The following CCSER1 variants were observed in gnomAD, a reference collection of about 807,000 sequenced individuals.
CCSER1 encodes the protein coiled-coil serine rich protein 1.
CCSER1 carries 41 observed loss-of-function variants against 82.0 expected under a neutral mutation model. The ratio of observed to expected loss-of-function variants is 0.50; its 90% CI spans 0.39 to 0.65. CCSER1 has a LOEUF of 0.65. Among genes scored for constraint, CCSER1 ranks in the 30% least tolerant of loss-of-function variants. The pLI is 0.00. For missense variants in CCSER1, 1,119 were observed against 1,064.2 expected, an observed-to-expected ratio of 1.05 and a Z score of -0.72; for synonymous variants, 414 against 383.9, an observed-to-expected ratio of 1.08 and a Z score of -0.92.
At chr4:91,366,163 C>T (rs960504498) in intron 10 of CCSER1, among the ~76,000 whole-genome samples, 5 of 151,994 alleles carry the variant, frequency 3.3e-5, no homozygotes, top group South Asian at 2.1e-4. Context: ...GGATTACAGG[C>T]GCACCACCTC....
At chr4:91,499,350 A>T (rs1759086740) in intron 10 of CCSER1, among the ~76,000 whole-genome samples, 1 of 151,882 alleles carries the variant, frequency 6.6e-6, no homozygotes, top group African/African-American at 2.4e-5. Context: ...AGTTTACAGC[A>T]AAATTAGGCA....
intron 10 of CCSER1, among the ~76,000 whole-genome samples, chr4:91,245,236 A>C (rs1739675013): frequency 6.6e-6 from 1 of 152,192 alleles, no homozygotes; most frequent in African/African-American, 2.4e-5. Flanking sequence ...GTTCAAAGGG[A>C]TAATAACAGA....
At chr4:91,014,214 A>T (rs987999226) in intron 9 of CCSER1, among the ~76,000 whole-genome samples, 1 of 134,220 alleles carries the variant, frequency 7.5e-6, no homozygotes, top group Admixed American at 7.4e-5. Context: ...TTTAGTATCC[A>T]TGCTCTCTCT....
chr4:91,272,309 T>G (rs1009088111), intron 10 of CCSER1, among the ~76,000 whole-genome samples: 8 of 152,218 alleles, frequency 5.3e-5, no homozygotes, highest in Non-Finnish European at 1.0e-4. Flanking sequence ...CAGGATAAGG[T>G]GGTGTCCCAT....
intron 10 of CCSER1, among the ~76,000 whole-genome samples, chr4:91,177,291 G>C (rs1733493114): frequency 6.6e-6 from 1 of 152,190 alleles, no homozygotes; most frequent in Non-Finnish European, 1.5e-5. Context: ...TTTTTCTGCT[G>C]TGTCTCTGCC....
At chr4:90,521,370 T>A (rs1773111204) in intron 5 of CCSER1, among the ~76,000 whole-genome samples, 1 of 152,272 alleles carries the variant, frequency 6.6e-6, no homozygotes, top group East Asian at 1.9e-4. Context: ...AGAGTAAGCA[T>A]TGAGATTTAA....
chr4:91,341,429 T>C (rs1262734611), intron 10 of CCSER1, among the ~76,000 whole-genome samples: 1 of 152,224 alleles, frequency 6.6e-6, no homozygotes, highest in Non-Finnish European at 1.5e-5. Flanking sequence ...TAACTACAAT[T>C]AACATTAAAA....
Position 91,331,640 on chromosome 4 carries a change from T to G in CCSER1, c.2217+245646T>G, listed in dbSNP as rs77053780. Among the ~76,000 whole-genome samples, 29 of 152,266 alleles carry G rather than the reference T, an allele frequency of 1.9e-4. No homozygotes were observed. In the East Asian group the frequency reaches 5.6e-3, roughly 29 times the overall value. ...ACTCTGTCAAGGGCTTTTTACAAAT[T>G]TGCATAAAATAATAAACATAGAATC... On this transcript the variant is annotated intron_variant, in intron 10 of 10. Transcript: ENST00000509176.
intron 5 of CCSER1, among the ~76,000 whole-genome samples, chr4:90,499,548 A>C (rs1769536384): frequency 6.6e-6 from 1 of 152,170 alleles, no homozygotes; most frequent in Non-Finnish European, 1.5e-5. Flanking sequence ...TAATATCAAT[A>C]TATATGAATT....
intron 4 of CCSER1, among the ~76,000 whole-genome samples, chr4:90,447,008 C>A (rs1053787623): frequency 2.6e-5 from 4 of 152,120 alleles, no homozygotes; most frequent in African/African-American, 9.7e-5. Flanking sequence ...GTGTGTTGAT[C>A]TGCTACTTAT....
At chr4:90,805,562 A>C (rs939880244) in intron 7 of CCSER1, among the ~76,000 whole-genome samples, 5 of 152,208 alleles carry the variant, frequency 3.3e-5, no homozygotes, top group Non-Finnish European at 5.9e-5. Flanking sequence ...AGACTAGCCA[A>C]GATGCAAGGA....
chr4:90,388,573 G>A (rs1403347662), intron 3 of CCSER1, among the ~76,000 whole-genome samples: 1 of 151,872 alleles, frequency 6.6e-6, no homozygotes, highest in Admixed American at 6.6e-5. Flanking sequence ...GCCTCCCAAA[G>A]TGCTGGAATT....
intron 1 of CCSER1, among the ~76,000 whole-genome samples, chr4:90,249,310 A>G (rs1194033480): frequency 6.6e-6 from 1 of 152,158 alleles, no homozygotes; most frequent in Admixed American, 6.6e-5. Context: ...ACAGTTGATA[A>G]TATCAAATTG....
chr4:90,258,092 C>T (rs923279850), intron 1 of CCSER1, among the ~76,000 whole-genome samples: 3 of 152,110 alleles, frequency 2.0e-5, no homozygotes, highest in African/African-American at 4.8e-5. Flanking sequence ...TGAAAGGAAG[C>T]GATCTCAAAC....
rs572403965 is a variant in CCSER1 at position 90,491,829 on chromosome 4, G to T, written c.1724+23475G>T. On this transcript the variant is annotated intron_variant, in intron 5 of 10. Transcript: ENST00000509176. ...TATGCTGGATTAAGTTTATTGATTT[G>T]CATATGTTGAACCAGCCTTGCATCC... Among the ~76,000 whole-genome samples the T allele has an allele frequency of 9.0e-3, 1,370 of 152,142 alleles. 13 individuals are homozygous for T. The highest frequency in any genetic ancestry group is 0.01 in the Non-Finnish European group (703 of 68,006).
intron 4 of CCSER1, among the ~76,000 whole-genome samples, chr4:90,418,729 C>T (rs1479399470): frequency 6.6e-6 from 1 of 151,874 alleles, no homozygotes; most frequent in East Asian, 1.9e-4. Context: ...TTAAACTGAC[C>T]TTCTGTTCTA....
Position 91,262,664 on chromosome 4 carries a change from AT to A in CCSER1, c.2217+176675del, listed in dbSNP as rs1355652062. ...GACCTAAATTCCAATTAAATTTAGA[AT>A]TTTTAAAAGATCATAAAGCTCTTTA... On this transcript the variant is annotated intron_variant, in intron 10 of 10. Coordinates refer to ENST00000509176, the MANE Select transcript of CCSER1 (RefSeq NM_001145065.2). 2.0e-5 allele frequency among the ~76,000 whole-genome samples: 3 copies of A among 152,206 alleles called. No homozygotes were observed. The East Asian group carries it at 5.8e-4, about 29-fold the overall frequency.
chr4:90,255,717 C>A (rs1397855929), intron 1 of CCSER1, among the ~76,000 whole-genome samples: 1 of 152,110 alleles, frequency 6.6e-6, no homozygotes, highest in African/African-American at 2.4e-5. Flanking sequence ...TTGTTGCAAT[C>A]ATCCAAAGAG....
Position 91,528,054 on chromosome 4 carries a change from A to G in CCSER1, c.2218-70518A>G, listed in dbSNP as rs185620837. Among the ~76,000 whole-genome samples the G allele has an allele frequency of 6.6e-5, 10 of 152,192 alleles. No individual in the cohort carries two copies. In the East Asian group the frequency reaches 1.9e-3, roughly 29 times the overall value. On this transcript the variant is annotated intron_variant, in intron 10 of 10. Transcript: ENST00000509176. ...CTCAGCCACCTGAGTAGCTGGAATTACAGGCACAGGCTACCACTTCCAGCT... is the reference window on the plus strand; with the variant it reads ...CTCAGCCACCTGAGTAGCTGGAATTGCAGGCACAGGCTACCACTTCCAGCT...
Sources: allele counts gnomAD v4.1 joint callset (sites outside exome capture counted in the v4.1 genomes callset), GRCh38; gene constraint gnomAD v4.1.1; transcripts MANE v1.5; gene names NCBI Gene and HGNC (gene_info 2026-07-23, HGNC 2026-07-21).